Variants in EPHA3 observed in about 807,000 individuals in gnomAD.
EPHA3 encodes ephrin type-A receptor 3.
Under a neutral mutation model 107.1 loss-of-function variants are expected in EPHA3, and 42 were observed. The ratio of observed to expected loss-of-function variants is 0.39; its 90% CI spans 0.31 to 0.51. The LOEUF (loss-of-function observed/expected upper bound fraction) is 0.51, where lower values mean the gene tolerates loss of function less well. Ranked by LOEUF, EPHA3 falls within the 20% of genes least tolerant of loss-of-function variation. The pLI is 0.78. For synonymous variants in EPHA3, 461 were observed against 424.8 expected (o/e 1.09, Z -1.05); for missense variants, 1,183 against 1,211.2 (o/e 0.98, Z 0.35).
At chr3:89,341,512 T>G (rs113774757) in intron 4 of EPHA3, among the ~76,000 whole-genome samples, 2 of 152,310 alleles carry the variant, frequency 1.3e-5, no homozygotes, top group African/African-American at 4.8e-5. Context: ...ATGAGTTACT[T>G]TGTTAGAATT....
At chr3:89,396,082 T>C in intron 6 of EPHA3, 121 bp downstream of exon 6, 8 of 1,335,924 alleles carry the variant, frequency 6.0e-6, no homozygotes, top group Non-Finnish European at 8.1e-6. Flanking sequence ...TTTAGAACTG[T>C]GGCCCTGTGA....
intron 15 of EPHA3, among the ~76,000 whole-genome samples, chr3:89,471,192 C>T (rs2107574048): frequency 6.6e-6 from 1 of 151,546 alleles, no homozygotes; most frequent in African/African-American, 2.4e-5. Flanking sequence ...AAAAAACACA[C>T]CAAAGACATT....
chr3:89,159,979 AC>A (rs1462522949), intron 2 of EPHA3, among the ~76,000 whole-genome samples: 7 of 151,544 alleles, frequency 4.6e-5, no homozygotes, highest in African/African-American at 1.5e-4. Flanking sequence ...GTATTTTTTA[AC>A]TTTTTCTTCA....
intron 3 of EPHA3, among the ~76,000 whole-genome samples, chr3:89,241,089 C>T (rs1378005364): frequency 2.6e-5 from 4 of 151,602 alleles, no homozygotes; most frequent in Admixed American, 2.6e-4. Context: ...GTGTCACCAG[C>T]CTGTTAATTT....
intron 15 of EPHA3, among the ~76,000 whole-genome samples, chr3:89,459,485 C>A (rs1042126689): frequency 8.2e-6 from 1 of 122,554 alleles, no homozygotes; most frequent in Non-Finnish European, 1.7e-5. Context: ...TTCTCTCCTT[C>A]CTTCTCTCCT....
intron 13 of EPHA3, among the ~76,000 whole-genome samples, chr3:89,441,779 T>C (rs995658433): frequency 3.3e-5 from 5 of 152,168 alleles, no homozygotes; most frequent in African/African-American, 1.2e-4. Context: ...GTAGGAAACT[T>C]AGACTCCTAT....
chr3:89,213,023 T>G (rs1362354799), intron 3 of EPHA3, among the ~76,000 whole-genome samples: 7 of 152,070 alleles, frequency 4.6e-5, no homozygotes, highest in Non-Finnish European at 1.0e-4. Context: ...TCAGAAACTC[T>G]TAAAACAGCT....
chr3:89,265,679 C>A (rs957102539), intron 3 of EPHA3, among the ~76,000 whole-genome samples: 1 of 151,942 alleles, frequency 6.6e-6, no homozygotes, highest in African/African-American at 2.4e-5. Flanking sequence ...TATAGCAGAA[C>A]CAATTGCTTA....
At chr3:89,438,605 G>T (rs985358378) in intron 13 of EPHA3, among the ~76,000 whole-genome samples, 1 of 151,956 alleles carries the variant, frequency 6.6e-6, no homozygotes, top group Non-Finnish European at 1.5e-5. Flanking sequence ...TAATACAAAA[G>T]ACACATATTA....
At chr3:89,374,798 C>T (rs1454328815) in intron 5 of EPHA3, among the ~76,000 whole-genome samples, 4 of 151,548 alleles carry the variant, frequency 2.6e-5, no homozygotes, top group Non-Finnish European at 4.4e-5. Flanking sequence ...ATGCCACATT[C>T]CGAGCACATA....
chr3:89,455,579 G>A (rs1710080370), intron 15 of EPHA3, among the ~76,000 whole-genome samples: 1 of 152,158 alleles, frequency 6.6e-6, no homozygotes, highest in Non-Finnish European at 1.5e-5. Flanking sequence ...TGACTGCTTT[G>A]TAGAGGGAGG....
intron 2 of EPHA3, among the ~76,000 whole-genome samples, chr3:89,197,362 C>G (rs1458499294): frequency 6.6e-6 from 1 of 151,218 alleles, no homozygotes; most frequent in Non-Finnish European, 1.5e-5. Flanking sequence ...CCATTTTAAA[C>G]ATGATATACC....
chr3:89,221,510 C>G (rs1379653309), intron 3 of EPHA3, among the ~76,000 whole-genome samples: 1 of 152,078 alleles, frequency 6.6e-6, no homozygotes, highest in Non-Finnish European at 1.5e-5. Context: ...TTTTGGTCTA[C>G]TCTTCACCTT....
intron 15 of EPHA3, 43 bp downstream of exon 15, chr3:89,450,413 G>C (rs2107555679): frequency 1.3e-6 from 2 of 1,574,088 alleles, no homozygotes; most frequent in Non-Finnish European, 1.7e-6. Context: ...TCTGAAATTT[G>C]TGTTTGCTAT....
chr3:89,345,169 T>G (rs1707615213), intron 5 of EPHA3, among the ~76,000 whole-genome samples: 1 of 151,222 alleles, frequency 6.6e-6, no homozygotes, highest in Admixed American at 6.6e-5. Flanking sequence ...CACTATTCTA[T>G]AGCATATAAT....
At chr3:89,405,504 T>C (rs751863635) in intron 7 of EPHA3, among the ~76,000 whole-genome samples, 1 of 152,186 alleles carries the variant, frequency 6.6e-6, no homozygotes, top group Non-Finnish European at 1.5e-5. Context: ...ACAGTTTATA[T>C]TATGAGTGTG....
chr3:89,147,360 G>T (rs961397527), intron 2 of EPHA3, among the ~76,000 whole-genome samples: 3 of 151,786 alleles, frequency 2.0e-5, no homozygotes, highest in African/African-American at 7.3e-5. Context: ...AAAAGCCACA[G>T]AGTGCTTTTC....
chr3:89,117,495 A>C (rs1707284584), intron 1 of EPHA3, among the ~76,000 whole-genome samples: 1 of 152,084 alleles, frequency 6.6e-6, no homozygotes, highest in Non-Finnish European at 1.5e-5. Flanking sequence ...ACACTGAGGG[A>C]AAGTCTGGGA....
intron 3 of EPHA3, among the ~76,000 whole-genome samples, chr3:89,300,227 G>T (rs1406943372): frequency 6.6e-6 from 1 of 151,538 alleles, no homozygotes; most frequent in Non-Finnish European, 1.5e-5. Context: ...TTTTAATCAG[G>T]AAGATAGTAT....
Sources: allele counts gnomAD v4.1 joint callset (sites outside exome capture counted in the v4.1 genomes callset), GRCh38; gene constraint gnomAD v4.1.1; transcripts MANE v1.5; gene names NCBI Gene and HGNC (gene_info 2026-07-23, HGNC 2026-07-21).